FLRT2: variants seen among roughly 807,000 people sequenced by gnomAD.
The protein encoded by FLRT2 is leucine-rich repeat transmembrane protein FLRT2.
Under a neutral mutation model 40.0 loss-of-function variants are expected in FLRT2, and 15 were observed. The observed-to-expected ratio is 0.38, with a 90% confidence interval of 0.25 to 0.58. FLRT2 has a LOEUF of 0.58. Among genes scored for constraint, FLRT2 ranks in the 20% least tolerant of loss-of-function variants. FLRT2 has a pLI of 0.71. For missense variants in FLRT2, 726 were observed against 840.0 expected (o/e 0.86, Z 1.68); for synonymous variants, 380 against 336.8 (o/e 1.13, Z -1.41).
chr14:85,563,353 C>A (rs1480805964), intron 1 of FLRT2, among the ~76,000 whole-genome samples: 1 of 152,166 alleles, frequency 6.6e-6, no homozygotes, highest in Admixed American at 6.5e-5. Flanking sequence ...GAGTCCCACA[C>A]ACCTTGTGTT....
At chr14:85,540,458 A>G (rs1230345554) in intron 1 of FLRT2, among the ~76,000 whole-genome samples, 2 of 152,168 alleles carry the variant, frequency 1.3e-5, no homozygotes, top group Non-Finnish European at 2.9e-5. Flanking sequence ...AAGAGTGAGC[A>G]TGTTTATTTC....
chr14:85,623,588 T>TC lies in FLRT2; in HGVS notation c.*91_*92insC. On this transcript the variant is annotated 3_prime_UTR_variant, in exon 2 of 2. Transcript: ENST00000330753. ...ATAAAGACACGCAGATTACATTTGA[T>TC]AAATGTTACACAGATGCATTTGTGC... The TC allele has an allele frequency of 5.8e-6, 6 of 1,026,496 alleles. No homozygotes were observed. Among genetic ancestry groups the TC allele is most frequent in the Non-Finnish European group, 6.7e-6 (5 of 750,870 alleles). 63.6% of individuals were successfully genotyped at this position (1,026,496 alleles called of 1,614,324 possible). A position where few individuals can be genotyped will look rare whatever the true frequency, so the allele number is the denominator to read the frequency against.
chr14:85,537,272 A>G lies in FLRT2; in HGVS notation c.-377+6738A>G, dbSNP rs192340743. Among the ~76,000 whole-genome samples the G allele has an allele frequency of 5.2e-3, 789 of 152,294 alleles. 4 individuals carry two copies. The highest frequency in any genetic ancestry group is 8.6e-3 in the Admixed American group (131 of 15,306). ...GAAGACAAAGTTTACTGAATTTCTT[A>G]GGTGGGTGGATACCATTATCTGACA... On this transcript the variant is annotated intron_variant, in intron 1 of 1. Transcript: ENST00000330753.
intron 1 of FLRT2, among the ~76,000 whole-genome samples, chr14:85,598,957 G>A (rs1175904856): frequency 7.7e-6 from 1 of 129,036 alleles, no homozygotes; most frequent in African/African-American, 2.9e-5. Context: ...TCGCTCTGTC[G>A]CCCAGGCTGG....
intron 1 of FLRT2, chr14:85,552,719 G>C (rs1889712335): frequency 6.6e-6 from 1 of 152,206 alleles, no homozygotes; most frequent in Non-Finnish European, 1.5e-5. Context: ...GCATCATTGG[G>C]TTTTCTGGTG....
At chr14:85,609,410 T>C (rs900135792) in intron 1 of FLRT2, among the ~76,000 whole-genome samples, 2 of 152,182 alleles carry the variant, frequency 1.3e-5, no homozygotes, top group African/African-American at 4.8e-5. Context: ...ATTCCCATAT[T>C]CTGAATTCCC....
chr14:85,546,852 C>G (rs1431834546), intron 1 of FLRT2, among the ~76,000 whole-genome samples: 5 of 152,124 alleles, frequency 3.3e-5, no homozygotes, highest in Non-Finnish European at 7.4e-5. Context: ...CTAAACATTC[C>G]CAATAAAGTC....
At chr14:85,576,129 G>C (rs988986205) in intron 1 of FLRT2, among the ~76,000 whole-genome samples, 2 of 152,198 alleles carry the variant, frequency 1.3e-5, no homozygotes, top group Admixed American at 6.5e-5. Flanking sequence ...GACCAAGCAT[G>C]AGGTAAAATG....
intron 1 of FLRT2, among the ~76,000 whole-genome samples, chr14:85,603,184 G>A (rs1453424458): frequency 6.6e-6 from 1 of 152,100 alleles, no homozygotes; most frequent in Non-Finnish European, 1.5e-5. Flanking sequence ...GTGCAAGCAA[G>A]GACTTTAACT....
At position 85,629,842 on chromosome 14, in the gene FLRT2, T is replaced by C. The variant is rs1007492294; in HGVS notation, c.*6345T>C. The C allele has an allele frequency of 3.3e-5, 5 of 152,210 alleles. No individual in the cohort carries two copies. The highest frequency in any genetic ancestry group is 1.2e-4 in the African/African-American group (5 of 41,458). 9.4% of individuals were successfully genotyped at this position (152,210 alleles called of 1,614,324 possible). On this transcript the variant is annotated 3_prime_UTR_variant, in exon 2 of 2. Transcript: ENST00000330753. ...TCAAAATTCTTGTCTTTTAAAGCCCTTGGTCATCCATTCCTATTTTTTATA... is the reference window on the plus strand; with the variant it reads ...TCAAAATTCTTGTCTTTTAAAGCCCCTGGTCATCCATTCCTATTTTTTATA...
At chr14:85,617,803 T>A (rs751969464) in intron 1 of FLRT2, among the ~76,000 whole-genome samples, 2 of 152,134 alleles carry the variant, frequency 1.3e-5, no homozygotes, top group African/African-American at 2.4e-5. Context: ...AAGAAAGCCC[T>A]GAGAGTTTGT....
intron 1 of FLRT2, among the ~76,000 whole-genome samples, chr14:85,609,814 A>G (rs769295827): frequency 1.3e-5 from 2 of 152,214 alleles, no homozygotes; most frequent in Admixed American, 6.5e-5. Context: ...GAAACGTGTC[A>G]AACTCTATTG....
At chr14:85,559,910 T>G (rs1566727752) in intron 1 of FLRT2, among the ~76,000 whole-genome samples, 1 of 152,186 alleles carries the variant, frequency 6.6e-6, no homozygotes, top group Admixed American at 6.5e-5. Flanking sequence ...CACTCTCACT[T>G]CATGTGGATG....
In FLRT2 at chr14:85,652,054, A is replaced by T. The variant is rs1251184854; in HGVS notation, c.*28557A>T. The T allele has an allele frequency of 6.6e-6, 1 of 152,118 alleles. No individual in the cohort carries two copies. The highest frequency in any genetic ancestry group is 1.5e-5 in the Non-Finnish European group (1 of 67,984). 9.4% of individuals were successfully genotyped at this position (152,118 alleles called of 1,614,324 possible). ...AAATAGCGTAGATCAGATAATTCTCATTAAATCAGCTGTTTATTAAAAAAA... is the reference window on the plus strand; with the variant it reads ...AAATAGCGTAGATCAGATAATTCTCTTTAAATCAGCTGTTTATTAAAAAAA... On this transcript the variant is annotated 3_prime_UTR_variant, in exon 2 of 2. Coordinates refer to ENST00000330753, the MANE Select transcript of FLRT2 (RefSeq NM_013231.6).
chr14:85,635,378 A>T lies in FLRT2; in HGVS notation c.*11881A>T, dbSNP rs1595108174. 1 of 152,162 alleles carries T rather than the reference A, an allele frequency of 6.6e-6. No individual in the cohort carries two copies. The highest frequency in any genetic ancestry group is 2.1e-4 in the South Asian group (1 of 4,830). 9.4% of individuals were successfully genotyped at this position (152,162 alleles called of 1,614,324 possible). A position where few individuals can be genotyped will look rare whatever the true frequency, so the allele number is the denominator to read the frequency against. ...AGAGAAGCAAGTGAAAACAAAACTC[A>T]TTAGTTCAACCACTTCTCCCTCAAA... is the stretch of plus-strand genomic sequence containing the variant. On this transcript the variant is annotated 3_prime_UTR_variant, in exon 2 of 2. Coordinates refer to ENST00000330753, the MANE Select transcript of FLRT2 (RefSeq NM_013231.6).
At chr14:85,536,085 C>T (rs1888645280) in intron 1 of FLRT2, among the ~76,000 whole-genome samples, 2 of 152,020 alleles carry the variant, frequency 1.3e-5, no homozygotes, top group South Asian at 4.2e-4. Flanking sequence ...CCTGGCTTTT[C>T]CTGTATGTTA....
chr14:85,653,894 T>G lies in FLRT2; in HGVS notation c.*30397T>G, dbSNP rs1261231049. 1.3e-5 allele frequency: 2 copies of G among 152,218 alleles called. No individual in the cohort carries two copies. Among genetic ancestry groups the G allele is most frequent in the Non-Finnish European group, 2.9e-5 (2 of 68,042 alleles). The allele number at this position is 152,218 out of a possible 1,614,324, so 9.4% of individuals were successfully genotyped here. A position where few individuals can be genotyped will look rare whatever the true frequency, so the allele number is the denominator to read the frequency against. On this transcript the variant is annotated 3_prime_UTR_variant, in exon 2 of 2. Coordinates refer to ENST00000330753, the MANE Select transcript of FLRT2 (RefSeq NM_013231.6). The stretch of plus-strand genomic sequence containing the variant: ...AAAACATAGCAAAATTATACCTATT[T>G]TTTTAAATTGAAGTACAAAGAAACT...
intron 1 of FLRT2, among the ~76,000 whole-genome samples, chr14:85,592,789 CAA>C (rs34002874): frequency 3.3e-5 from 3 of 90,718 alleles, no homozygotes; most frequent in Admixed American, 2.7e-4. Flanking sequence ...AACTCCGTCT[CAA>C]AAAAAAAAAA....
chr14:85,559,300 C>T (rs1271585403), intron 1 of FLRT2: 1 of 152,164 alleles, frequency 6.6e-6, no homozygotes, highest in South Asian at 2.1e-4. Flanking sequence ...AAGAGGGGCC[C>T]TTTCTCCTTC....
Sources: allele counts gnomAD v4.1 joint callset (sites outside exome capture counted in the v4.1 genomes callset), GRCh38; gene constraint gnomAD v4.1.1; transcripts MANE v1.5; gene names NCBI Gene and HGNC (gene_info 2026-07-23, HGNC 2026-07-21).